COL5A2: variants seen among roughly 807,000 people sequenced by gnomAD.
COL5A2 encodes collagen alpha-2(V) chain.
In COL5A2, 23 loss-of-function variants were observed where a neutral mutation model predicts 208.2. The ratio of observed to expected loss-of-function variants is 0.11; its 90% confidence interval spans 0.08 to 0.16. COL5A2 has a LOEUF of 0.16. Ranked by LOEUF, COL5A2 falls within the 10% of genes least tolerant of loss-of-function variation. The pLI is 1.00. For synonymous variants in COL5A2, 625 were observed against 628.5 expected, an observed-to-expected ratio of 0.99 and a Z score of 0.08; for missense variants, 1,590 against 1,956.4, an observed-to-expected ratio of 0.81 and a Z score of 3.53.
chr2:189,197,409 C>G (rs1056715973), intron 1 of COL5A2, among the ~76,000 whole-genome samples: 1 of 151,918 alleles, frequency 6.6e-6, no homozygotes, highest in Admixed American at 6.6e-5. Flanking sequence ...ATGTAACAAA[C>G]CTACACATTC....
intron 31 of COL5A2, among the ~76,000 whole-genome samples, 179 bp downstream of exon 31, chr2:189,060,551 A>C (rs185502103): frequency 5.3e-5 from 8 of 152,316 alleles, no homozygotes; most frequent in Admixed American, 1.3e-4. Context: ...TAACATCTGT[A>C]TGCCCCATTT....
At chr2:189,139,125 C>G (rs934523545) in intron 1 of COL5A2, among the ~76,000 whole-genome samples, 3 of 151,908 alleles carry the variant, frequency 2.0e-5, no homozygotes, top group Non-Finnish European at 2.9e-5. Flanking sequence ...AAATTTAACA[C>G]CAGGCTTGGC....
At chr2:189,378,491 G>A in the COL5A2 span, among the ~76,000 whole-genome samples, 3 of 152,262 alleles carry the variant, frequency 2.0e-5, no homozygotes, top group East Asian at 1.9e-4. Flanking sequence ...TTGGGAGGCC[G>A]AGGCGGGAGG....
the COL5A2 span, among the ~76,000 whole-genome samples, chr2:189,261,617 T>C: frequency 1.3e-5 from 2 of 152,198 alleles, no homozygotes; most frequent in Non-Finnish European, 2.9e-5. Flanking sequence ...AACTGCTTTA[T>C]TTATTTGGCT....
chr2:189,275,947 C>T, the COL5A2 span, among the ~76,000 whole-genome samples: 2 of 152,138 alleles, frequency 1.3e-5, no homozygotes, highest in Non-Finnish European at 2.9e-5. Flanking sequence ...ATACAGAAAG[C>T]TTTTTCCAAA....
the COL5A2 span, among the ~76,000 whole-genome samples, chr2:189,237,180 T>A: frequency 6.6e-6 from 1 of 151,808 alleles, no homozygotes; most frequent in Non-Finnish European, 1.5e-5. Flanking sequence ...TTTAAATGTA[T>A]ACCTTAATAA....
At chr2:189,291,698 G>A in the COL5A2 span, among the ~76,000 whole-genome samples, 24 of 151,764 alleles carry the variant, frequency 1.6e-4, no homozygotes, top group South Asian at 6.3e-4. Flanking sequence ...ATCATTTCTC[G>A]TCATCACAGC....
At chr2:189,439,448 T>C in the COL5A2 span, among the ~76,000 whole-genome samples, 24 of 152,248 alleles carry the variant, frequency 1.6e-4, no homozygotes, top group Non-Finnish European at 5.9e-5. Context: ...GAAAGGAACA[T>C]GAACTGTGAG....
the COL5A2 span, among the ~76,000 whole-genome samples, chr2:189,391,286 T>C: frequency 6.6e-6 from 1 of 152,114 alleles, no homozygotes; most frequent in Non-Finnish European, 1.5e-5. Context: ...CTGACAGATA[T>C]GTTATATAGG....
intron 1 of COL5A2, among the ~76,000 whole-genome samples, chr2:189,120,807 T>C (rs143092600): frequency 6.6e-6 from 1 of 152,228 alleles, no homozygotes; most frequent in Non-Finnish European, 1.5e-5. Flanking sequence ...CAGTCCTCCC[T>C]GTATGTTTTA....
At chr2:189,333,240 TAAC>T in the COL5A2 span, among the ~76,000 whole-genome samples, 2 of 152,042 alleles carry the variant, frequency 1.3e-5, no homozygotes, top group Admixed American at 1.3e-4. Flanking sequence ...GAAAACGCAC[TAAC>T]AATAGATAAA....
the COL5A2 span, among the ~76,000 whole-genome samples, chr2:189,282,937 C>G: frequency 6.6e-6 from 1 of 152,058 alleles, no homozygotes; most frequent in East Asian, 1.9e-4. Context: ...TAACATGTAT[C>G]ATATTTTCTG....
At chr2:189,067,908 G>T in intron 21 of COL5A2, 107 bp downstream of exon 21, 1 of 933,950 alleles carries the variant, frequency 1.1e-6, no homozygotes, top group Non-Finnish European at 1.7e-6. Context: ...CCCACATTTG[G>T]ATAAGTCACG....
At chr2:189,245,446 C>T in the COL5A2 span, among the ~76,000 whole-genome samples, 1 of 150,728 alleles carries the variant, frequency 6.6e-6, no homozygotes, top group African/African-American at 2.4e-5. Flanking sequence ...CCTACTATAT[C>T]TGTTTTATTT....
At chr2:189,439,239 AAGGTCC>A in the COL5A2 span, among the ~76,000 whole-genome samples, 1 of 152,218 alleles carries the variant, frequency 6.6e-6, no homozygotes, top group South Asian at 2.1e-4. Context: ...ATGATAAGGT[AAGGTCC>A]AGTAACATAC....
At chr2:189,142,703 C>A (rs1242505020) in intron 1 of COL5A2, among the ~76,000 whole-genome samples, 1 of 152,152 alleles carries the variant, frequency 6.6e-6, no homozygotes, top group Admixed American at 6.6e-5. Context: ...ACCCTGCAAT[C>A]TATCTTAAAC....
chr2:189,309,705 T>G, the COL5A2 span, among the ~76,000 whole-genome samples: 1 of 152,244 alleles, frequency 6.6e-6, no homozygotes, highest in African/African-American at 2.4e-5. Context: ...GAATTATGTC[T>G]TCTGAGGAGG....
chr2:189,331,346 T>C, the COL5A2 span, among the ~76,000 whole-genome samples: 2 of 152,136 alleles, frequency 1.3e-5, no homozygotes, highest in South Asian at 2.1e-4. Context: ...CTGGTCAACA[T>C]GGTGAAATCC....
At chr2:189,380,578 T>C in the COL5A2 span, among the ~76,000 whole-genome samples, 63 of 151,898 alleles carry the variant, frequency 4.1e-4, no homozygotes, top group African/African-American at 1.4e-3. Flanking sequence ...AAGTAATTAA[T>C]ATAGATATAG....
Sources: allele counts gnomAD v4.1 joint callset (sites outside exome capture counted in the v4.1 genomes callset), GRCh38; gene constraint gnomAD v4.1.1; transcripts MANE v1.5; gene names NCBI Gene and HGNC (gene_info 2026-07-23, HGNC 2026-07-21).